The following SORCS1 variants were observed in gnomAD, a reference collection of about 807,000 sequenced individuals.
The protein encoded by SORCS1 is VPS10 domain-containing receptor SorCS1.
Under a neutral mutation model 146.1 loss-of-function variants are expected in SORCS1, and 60 were observed. The ratio of observed to expected loss-of-function variants is 0.41; its 90% CI spans 0.33 to 0.51. The LOEUF (loss-of-function observed/expected upper bound fraction) is 0.51, where lower values mean the gene tolerates loss of function less well. Among genes scored for constraint, SORCS1 ranks in the 20% least tolerant of loss-of-function variants. SORCS1 has a pLI of 0.21. For synonymous variants in SORCS1, 637 were observed against 584.0 expected (o/e 1.09, Z -1.31); for missense variants, 1,352 against 1,487.6 (o/e 0.91, Z 1.50).
At chr10:106,942,578 G>A (rs1261205580) in intron 2 of SORCS1, among the ~76,000 whole-genome samples, 1 of 152,070 alleles carries the variant, frequency 6.6e-6, no homozygotes, top group Admixed American at 6.6e-5. Flanking sequence ...CCCATCTCAC[G>A]TCCATCTCCC....
At chr10:106,728,944 T>TC (rs939044835) in intron 6 of SORCS1, among the ~76,000 whole-genome samples, 2 of 152,136 alleles carry the variant, frequency 1.3e-5, no homozygotes, top group African/African-American at 4.8e-5. Flanking sequence ...CTGTCTTTTC[T>TC]CCCCTCACCC....
intron 23 of SORCS1, among the ~76,000 whole-genome samples, chr10:106,601,037 C>T (rs960977078): frequency 6.6e-6 from 1 of 152,218 alleles, no homozygotes; most frequent in African/African-American, 2.4e-5. Flanking sequence ...ACACCATCCT[C>T]AGAGGGGCCA....
At chr10:106,896,412 G>C (rs549301338) in intron 2 of SORCS1, among the ~76,000 whole-genome samples, 21 of 142,078 alleles carry the variant, frequency 1.5e-4, no homozygotes, top group Non-Finnish European at 3.0e-4. Flanking sequence ...CTGGGTGACA[G>C]AGTGAGACTT....
At chr10:106,928,161 C>T (rs1292713482) in intron 2 of SORCS1, among the ~76,000 whole-genome samples, 3 of 152,200 alleles carry the variant, frequency 2.0e-5, no homozygotes, top group Non-Finnish European at 2.9e-5. Context: ...CAGGCGGCGG[C>T]GCTCGTTGGG....
intron 2 of SORCS1, among the ~76,000 whole-genome samples, chr10:106,912,259 G>A (rs1180821716): frequency 6.6e-6 from 1 of 152,168 alleles, no homozygotes; most frequent in Non-Finnish European, 1.5e-5. Context: ...CAATTATTGT[G>A]CTTAGTTTGG....
At chr10:107,039,219 T>G (rs1409949971) in intron 1 of SORCS1, among the ~76,000 whole-genome samples, 3 of 151,074 alleles carry the variant, frequency 2.0e-5, no homozygotes, top group Non-Finnish European at 4.4e-5. Flanking sequence ...TCCCAGCTAC[T>G]TGGGAGGCCG....
intron 5 of SORCS1, among the ~76,000 whole-genome samples, chr10:106,732,072 T>C (rs1856637272): frequency 6.6e-6 from 1 of 152,216 alleles, no homozygotes; most frequent in Non-Finnish European, 1.5e-5. Flanking sequence ...CTAGCTGGCT[T>C]AATCACTCTT....
At chr10:107,180,702 GTGAGA>G in the SORCS1 span, among the ~76,000 whole-genome samples, 1 of 152,032 alleles carries the variant, frequency 6.6e-6, no homozygotes, top group African/African-American at 2.4e-5. Flanking sequence ...TTCTAGGTTC[GTGAGA>G]TAAGAGTTTA....
chr10:106,942,040 G>A (rs1954070416), intron 2 of SORCS1, among the ~76,000 whole-genome samples: 1 of 152,172 alleles, frequency 6.6e-6, no homozygotes, highest in East Asian at 1.9e-4. Context: ...CCATATAAAT[G>A]CAGAAAAATA....
intron 2 of SORCS1, among the ~76,000 whole-genome samples, chr10:106,950,638 ATAT>A (rs1387839073): frequency 1.3e-5 from 2 of 151,776 alleles, no homozygotes; most frequent in Non-Finnish European, 2.9e-5. Context: ...ACATATATAG[ATAT>A]TATATAATAA....
At chr10:106,987,372 G>A (rs78390921) in intron 1 of SORCS1, among the ~76,000 whole-genome samples, 33,742 of 152,156 alleles carry the variant, frequency 0.22, 4,536 homozygotes, top group Middle Eastern at 0.32. Flanking sequence ...TTTCAGTCTT[G>A]ACAGTAGTTT....
intron 1 of SORCS1, among the ~76,000 whole-genome samples, chr10:106,977,681 C>A (rs1956088130): frequency 6.6e-6 from 1 of 151,210 alleles, no homozygotes; most frequent in Non-Finnish European, 1.5e-5. Context: ...AAAGAAAGCA[C>A]CAGTATATTT....
At chr10:106,594,991 C>CT (rs1340538363) in intron 24 of SORCS1, among the ~76,000 whole-genome samples, 8 of 152,160 alleles carry the variant, frequency 5.3e-5, no homozygotes, top group Non-Finnish European at 7.3e-5. Flanking sequence ...AGTGGCTTGG[C>CT]TATTAGGATG....
At chr10:107,057,542 G>GT (rs1960762840) in intron 1 of SORCS1, among the ~76,000 whole-genome samples, 1 of 152,098 alleles carries the variant, frequency 6.6e-6, no homozygotes, top group Admixed American at 6.6e-5. Context: ...TCTTTCTTAT[G>GT]TTAAACTAAG....
chr10:106,823,492 T>G (rs1003778139), intron 3 of SORCS1, among the ~76,000 whole-genome samples: 1 of 152,232 alleles, frequency 6.6e-6, no homozygotes, highest in African/African-American at 2.4e-5. Flanking sequence ...AGTTTCAGCC[T>G]AGGAGTCCAA....
At chr10:107,048,974 T>A (rs114534303) in intron 1 of SORCS1, among the ~76,000 whole-genome samples, 1,618 of 152,076 alleles carry the variant, frequency 0.011, 15 homozygotes, top group South Asian at 0.028. Flanking sequence ...AGCAGACAAT[T>A]ATTGCGGCAC....
intron 3 of SORCS1, among the ~76,000 whole-genome samples, chr10:106,806,873 A>G (rs367975961): frequency 6.6e-6 from 1 of 152,078 alleles, no homozygotes; most frequent in East Asian, 1.9e-4. Context: ...TGACAAATGC[A>G]TAATTGCTTG....
At chr10:106,718,112 ATTATT>A (rs1855512547) in intron 6 of SORCS1, among the ~76,000 whole-genome samples, 1 of 152,252 alleles carries the variant, frequency 6.6e-6, no homozygotes, top group South Asian at 2.1e-4. Flanking sequence ...AGGATAACTC[ATTATT>A]CCAGAAAGAA....
chr10:106,973,583 G>A (rs865843523), intron 1 of SORCS1, among the ~76,000 whole-genome samples: 59 of 152,262 alleles, frequency 3.9e-4, no homozygotes, highest in African/African-American at 1.3e-3. Context: ...GGAGAGACAA[G>A]CATGTCTGCT....
Sources: allele counts gnomAD v4.1 joint callset (sites outside exome capture counted in the v4.1 genomes callset), GRCh38; gene constraint gnomAD v4.1.1; transcripts MANE v1.5; gene names NCBI Gene and HGNC (gene_info 2026-07-23, HGNC 2026-07-21).